The following TG variants were observed in gnomAD, a reference collection of about 807,000 sequenced individuals.
The protein encoded by TG is thyroid hormones.
Under a neutral mutation model 324.7 loss-of-function variants are expected in TG, and 270 were observed. That is an observed-to-expected ratio of 0.83 (90% confidence interval 0.75 to 0.92). TG has a LOEUF of 0.92. Ranked by LOEUF, TG falls within the 40% of genes least tolerant of loss-of-function variation. The probability of loss-of-function intolerance (pLI) is 0.00; values close to 1 mark genes in which losing one functional copy is unlikely to be tolerated. For missense variants in TG, 3,591 were observed against 3,456.4 expected, an observed-to-expected ratio of 1.04 and a Z score of -0.98; for synonymous variants, 1,401 against 1,327.0, an observed-to-expected ratio of 1.06 and a Z score of -1.21.
At chr8:132,874,030 G>T (rs1187367251) in intron 5 of TG, among the ~76,000 whole-genome samples, 1 of 152,088 alleles carries the variant, frequency 6.6e-6, no homozygotes, top group Non-Finnish European at 1.5e-5. Context: ...AAATTAGCCG[G>T]GCGTGGTGGT....
At chr8:133,038,304 A>G (rs1435305566) in intron 41 of TG, 3 of 581,912 alleles carry the variant, frequency 5.2e-6, no homozygotes, top group South Asian at 2.0e-5. Flanking sequence ...TCATGATCCA[A>G]TGTTTCGTGA....
In TG at chr8:133,084,030, A is replaced by G. The variant is rs77712550; in HGVS notation, c.7240-11014A>G. Among the ~76,000 whole-genome samples the G allele has an allele frequency of 3.8e-3, 571 of 152,224 alleles. 5 individuals carry two copies. The highest frequency in any genetic ancestry group is 0.013 in the African/African-American group (547 of 41,534). On this transcript the variant is annotated intron_variant, in intron 41 of 47. Coordinates refer to ENST00000220616, the MANE Select transcript of TG (RefSeq NM_003235.5). ...CTATGCCATTCCCTCTCCTGTGCTC[A>G]TGAGGCCATTCCCACCCACCAGCAT... is the stretch of plus-strand genomic sequence containing the variant.
chr8:133,006,634 C>T (rs1450554254), intron 35 of TG, among the ~76,000 whole-genome samples: 1 of 152,234 alleles, frequency 6.6e-6, no homozygotes, highest in Non-Finnish European at 1.5e-5. Context: ...CCGCAGGTTT[C>T]CAATCTACTG....
chr8:132,948,248 TGTG>T (rs1825614139), intron 26 of TG, among the ~76,000 whole-genome samples: 2 of 6,838 alleles, frequency 2.9e-4, no homozygotes, highest in East Asian at 7.5e-3. Flanking sequence ...AGGTTGATCT[TGTG>T]TGTGTGTGTG....
Position 133,040,215 on chromosome 8 carries a change from C to A in TG, c.7239+10192C>A, listed in dbSNP as rs527803630. ...TTCAGGCCTGAGACACTCTCCAGTG[C>A]AGCTCCCTGGCTGCTGCCATGGGGA... is the stretch of plus-strand genomic sequence containing the variant. On this transcript the variant is annotated intron_variant, in intron 41 of 47. Transcript: ENST00000220616. The A allele has an allele frequency of 1.9e-5, 27 of 1,433,946 alleles. No individual in the cohort carries two copies. In the South Asian group the frequency reaches 3.2e-4, roughly 17 times the overall value. 88.8% of individuals were successfully genotyped at this position (1,433,946 alleles called of 1,614,324 possible).
chr8:133,001,640 T>G (rs1004170272), intron 35 of TG: 3 of 521,458 alleles, frequency 5.8e-6, no homozygotes, highest in Non-Finnish European at 2.5e-6. Context: ...GAAAGCAGGA[T>G]GTCTCAATGC....
chr8:132,872,285 C>T (rs180209), intron 4 of TG, among the ~76,000 whole-genome samples: 149,511 of 150,920 alleles, frequency 0.99, 74,062 homozygotes, highest in East Asian at 1. Context: ...GAGACCATCC[C>T]GGCTAACACG....
intron 41 of TG, among the ~76,000 whole-genome samples, chr8:133,070,366 CCTCT>C (rs1423968772): frequency 1.3e-5 from 2 of 152,202 alleles, no homozygotes; most frequent in African/African-American, 2.4e-5. Context: ...TGCCCACAGG[CCTCT>C]CTATTTGTTT....
chr8:133,016,442 G>A (rs957711752), intron 37 of TG, among the ~76,000 whole-genome samples: 4 of 152,160 alleles, frequency 2.6e-5, no homozygotes, highest in Non-Finnish European at 5.9e-5. Flanking sequence ...TCCCCTGTGG[G>A]CAAAATTACT....
At chr8:133,042,188 G>A (rs534298760) in intron 41 of TG, among the ~76,000 whole-genome samples, 1 of 152,222 alleles carries the variant, frequency 6.6e-6, no homozygotes, top group African/African-American at 2.4e-5. Context: ...CAATCTTATT[G>A]ACTCATTCTA....
intron 29 of TG, chr8:132,964,678 A>G (rs1828282608): frequency 3.6e-6 from 2 of 558,440 alleles, no homozygotes; most frequent in South Asian, 2.4e-5. Flanking sequence ...CACGTAAACC[A>G]GGTATAAGAT....
At position 132,875,293 on chromosome 8, in the gene TG, T is replaced by C. The variant is rs75268473; in HGVS notation, c.638+2072T>C. ...CAAACAGCCAGTTTTATTGAGTACT[T>C]ATTGCTGCAAACCAATGTGTTCTCA... On this transcript the variant is annotated intron_variant, in intron 5 of 47. Coordinates refer to ENST00000220616, the MANE Select transcript of TG (RefSeq NM_003235.5). Among the ~76,000 whole-genome samples the C allele has an allele frequency of 9.1e-3, 1,383 of 152,336 alleles. 34 individuals are homozygous for C. The highest frequency in any genetic ancestry group is 0.087 in the East Asian group (449 of 5,182).
intron 41 of TG, among the ~76,000 whole-genome samples, chr8:133,059,556 C>T (rs1420397419): frequency 2.6e-5 from 4 of 152,122 alleles, no homozygotes; most frequent in Admixed American, 6.5e-5. Flanking sequence ...GCTCTTCCCC[C>T]GAGAATGCTT....
In TG at chr8:132,978,965, A is replaced by G. The variant is rs1003183962; in HGVS notation, c.6200-4385A>G. 7.2e-5 allele frequency among the ~76,000 whole-genome samples: 11 copies of G among 152,338 alleles called. No homozygotes were observed. The South Asian group carries it at 8.3e-4, about 11-fold the overall frequency. ...CAGCCATGGGCCTTCTGATTCTGCT[A>G]TGAGCAGAGTTCAGAAGTGAGCAGA... is the stretch of plus-strand genomic sequence containing the variant. On this transcript the variant is annotated intron_variant, in intron 34 of 47. Coordinates refer to ENST00000220616, the MANE Select transcript of TG (RefSeq NM_003235.5).
intron 45 of TG, among the ~76,000 whole-genome samples, chr8:133,121,510 CG>C (rs1851139861): frequency 6.6e-6 from 1 of 152,144 alleles, no homozygotes; most frequent in Non-Finnish European, 1.5e-5. Context: ...CGCAGATCCA[CG>C]GAAACATTTT....
At chr8:132,951,436 G>C (rs896914806) in intron 27 of TG, among the ~76,000 whole-genome samples, 1 of 152,182 alleles carries the variant, frequency 6.6e-6, no homozygotes, top group African/African-American at 2.4e-5. Flanking sequence ...AGCACAGGGT[G>C]AATACAGGCA....
At chr8:133,051,347 C>A in intron 41 of TG, among the ~76,000 whole-genome samples, 1 of 152,152 alleles carries the variant, frequency 6.6e-6, no homozygotes, top group South Asian at 2.1e-4. Context: ...GCTGTAAAAA[C>A]CCCCCTTCTC....
At chr8:133,123,585 TC>T (rs1374337423) in intron 45 of TG, among the ~76,000 whole-genome samples, 1 of 152,176 alleles carries the variant, frequency 6.6e-6, no homozygotes, top group Non-Finnish European at 1.5e-5. Flanking sequence ...GGTGATGTCC[TC>T]CTCTCTAAAC....
intron 43 of TG, among the ~76,000 whole-genome samples, chr8:133,105,565 G>T (rs1335469720): frequency 6.6e-6 from 1 of 152,172 alleles, no homozygotes; most frequent in African/African-American, 2.4e-5. Context: ...AAGATAAATT[G>T]TGCCTAGGTT....
Sources: gnomAD v4.1 joint callset for allele counts (sites outside exome capture counted in the v4.1 genomes callset) on GRCh38, gnomAD v4.1.1 for gene constraint, MANE v1.5 for transcripts, NCBI Gene and HGNC (gene_info 2026-07-23, HGNC 2026-07-21) for gene names.